PTPRG: variants seen among roughly 807,000 people sequenced by gnomAD.
The protein encoded by PTPRG is protein tyrosine phosphatase receptor type G.
A neutral mutation model predicts 165.3 loss-of-function variants in PTPRG; 102 were observed. That is an observed-to-expected ratio of 0.62 (90% CI 0.53 to 0.73). The LOEUF is 0.73. PTPRG is among the 30% of genes least tolerant of loss of function. PTPRG has a pLI of 0.00. For synonymous variants in PTPRG, 675 were observed against 669.5 expected, an observed-to-expected ratio of 1.01 and a Z score of -0.13; for missense variants, 1,866 against 1,861.4, an observed-to-expected ratio of 1.00 and a Z score of -0.05.
intron 2 of PTPRG, among the ~76,000 whole-genome samples, chr3:61,982,472 G>T (rs764713473): frequency 6.6e-6 from 1 of 152,126 alleles, no homozygotes; most frequent in Non-Finnish European, 1.5e-5. Context: ...ACATGCATAG[G>T]TCAAAGACTT....
rs980652106 is a variant in PTPRG, at chr3:62,222,625, T to G, written c.2288+3642T>G. Among the ~76,000 whole-genome samples the G allele has an allele frequency of 2.0e-5, 3 of 152,292 alleles. No homozygotes were observed. Among genetic ancestry groups the G allele is most frequent in the South Asian group, 2.1e-4 (1 of 4,824 alleles). On this transcript the variant is annotated intron_variant, in intron 13 of 29. Transcript: ENST00000474889. This position sits in a 1 kb window ranked among gnomAD's most constrained non-coding sequence, Gnocchi z 4.5. ...GATCAGTACCATTGCCATCAAAACCTTGGACTGAAGCCGAACAAGGGATGG... is the reference window on the plus strand; with the variant it reads ...GATCAGTACCATTGCCATCAAAACCGTGGACTGAAGCCGAACAAGGGATGG...
At chr3:61,607,822 G>A (rs1460835058) in intron 1 of PTPRG, among the ~76,000 whole-genome samples, 1 of 152,064 alleles carries the variant, frequency 6.6e-6, no homozygotes, top group African/African-American at 2.4e-5. Context: ...GAAAGAGTGA[G>A]GTGCAGAGCC....
chr3:62,049,543 G>A (rs995509378), intron 4 of PTPRG, among the ~76,000 whole-genome samples: 3 of 126,656 alleles, frequency 2.4e-5, no homozygotes, highest in African/African-American at 9.2e-5. Flanking sequence ...GTGGTGGATA[G>A]GATTTTCATT....
chr3:61,588,439 T>A (rs1474334365), intron 1 of PTPRG, among the ~76,000 whole-genome samples: 1 of 147,852 alleles, frequency 6.8e-6, no homozygotes, highest in Non-Finnish European at 1.5e-5. Flanking sequence ...CGGAGTGATG[T>A]TGGCTCACTG....
rs1344923990 is a variant in PTPRG at position 62,243,869 on chromosome 3, A to G, written c.2438A>G (p.Asn813Ser). The change falls in exon 15 of 30, where the codon AAT (asparagine) becomes AGT (serine). Residue 813 changes from asparagine (N) to serine (S), a missense_variant. Physicochemically the swap from Asn to Ser is conservative, Grantham distance 46. Transcript: ENST00000474889. Reference protein sequence around the residue: ...EDSSSPRVVPNESIPIIPIPD... With the variant: ...EDSSSPRVVPSESIPIIPIPD... ...AGCAGTTCACCTCGAGTGGTCCCTA[A>G]TGAAAGTATCCCTATTATTCCTATT... The G allele has an allele frequency of 5.7e-6, 9 of 1,579,870 alleles. No individual in the cohort carries two copies. The highest frequency in any genetic ancestry group is 1.3e-5 in the African/African-American group (1 of 74,240).
intron 2 of PTPRG, among the ~76,000 whole-genome samples, chr3:61,836,070 A>ATAT (rs1218003549): frequency 7.0e-6 from 1 of 141,862 alleles, no homozygotes; most frequent in South Asian, 2.5e-4. Context: ...ACCAAAAAAA[A>ATAT]AAATATATAT....
intron 2 of PTPRG, among the ~76,000 whole-genome samples, chr3:61,947,481 T>C (rs2039788505): frequency 2.6e-5 from 4 of 152,272 alleles, no homozygotes; most frequent in East Asian, 1.9e-4. Context: ...GTCAGTGATA[T>C]ATAGGAAATC....
At chr3:61,958,129 TTTTTTCC>T (rs1308471668) in intron 2 of PTPRG, among the ~76,000 whole-genome samples, 9 of 152,124 alleles carry the variant, frequency 5.9e-5, no homozygotes. Context: ...CTTTTTTTTC[TTTTTTCC>T]TTTTTTTTGA....
At position 61,855,330 on chromosome 3, in the gene PTPRG, C is replaced by A. The variant is rs981173213; in HGVS notation, c.190+106348C>A. Among the ~76,000 whole-genome samples the A allele has an allele frequency of 5.3e-5, 8 of 152,170 alleles. 1 individual carries two copies. In the South Asian group the frequency reaches 6.2e-4, roughly 12 times the overall value. ...TCAGAACCATGGGTTTTGTAGTCAT[C>A]TCATTGCAGATTGTACCTTCAGTGT... On this transcript the variant is annotated intron_variant, in intron 2 of 29. Coordinates refer to ENST00000474889, the MANE Select transcript of PTPRG (RefSeq NM_002841.4).
chr3:61,977,947 C>T (rs569900739), intron 2 of PTPRG, among the ~76,000 whole-genome samples: 1 of 152,128 alleles, frequency 6.6e-6, no homozygotes, highest in Non-Finnish European at 1.5e-5. Context: ...ACTTTTTCCC[C>T]CAATGAATTC....
intron 5 of PTPRG, among the ~76,000 whole-genome samples, chr3:62,104,653 T>G (rs1456711137): frequency 1.3e-5 from 2 of 152,208 alleles, no homozygotes; most frequent in African/African-American, 4.8e-5. Flanking sequence ...AGGACCTTTT[T>G]AAATAGTGGA....
chr3:61,686,583 A>T (rs1197398396), intron 1 of PTPRG, among the ~76,000 whole-genome samples: 1 of 152,196 alleles, frequency 6.6e-6, no homozygotes, highest in Non-Finnish European at 1.5e-5. Context: ...GTGCAAAATG[A>T]CTCATGTCAA....
intron 3 of PTPRG, among the ~76,000 whole-genome samples, chr3:61,991,427 A>G (rs555142340): frequency 6.6e-6 from 1 of 152,282 alleles, no homozygotes; most frequent in Non-Finnish European, 1.5e-5. Flanking sequence ...ACTGGTCTCG[A>G]ACTCCTGACC....
chr3:62,081,312 A>G (rs1433219991), intron 5 of PTPRG, among the ~76,000 whole-genome samples: 1 of 152,126 alleles, frequency 6.6e-6, no homozygotes, highest in African/African-American at 2.4e-5. Flanking sequence ...AATTTTACAT[A>G]GATAGCAGCT....
intron 2 of PTPRG, chr3:61,753,580 T>G (rs902257395): frequency 7.0e-6 from 3 of 425,866 alleles, no homozygotes; most frequent in Non-Finnish European, 1.4e-5. Context: ...AGTAGAAATT[T>G]GAGGGTTTTT....
chr3:61,969,573 C>T (rs112944705), intron 2 of PTPRG, among the ~76,000 whole-genome samples: 62 of 152,096 alleles, frequency 4.1e-4, no homozygotes, highest in Middle Eastern at 6.8e-3. Flanking sequence ...GATGGTGATC[C>T]AGGAGTAAAG....
At position 62,273,984 on chromosome 3, in the gene PTPRG, A is replaced by G. The variant is rs1203502181; in HGVS notation, c.3465+140A>G. 1 of 821,550 alleles carries G rather than the reference A, an allele frequency of 1.2e-6. No homozygotes were observed. Among genetic ancestry groups the G allele is most frequent in the African/African-American group, 1.7e-5 (1 of 57,650 alleles). 50.9% of individuals were successfully genotyped at this position (821,550 alleles called of 1,614,324 possible). ...GTACTCCTTGTACTCCTTAAATGTG[A>G]TGAAAAAGAAAATACGGTTTTGACC... On this transcript the variant is annotated intron_variant, in intron 23 of 29. Transcript: ENST00000474889. This position sits in a 1 kb window ranked among gnomAD's most constrained non-coding sequence, Gnocchi z 4.1.
intron 1 of PTPRG, among the ~76,000 whole-genome samples, chr3:61,729,622 T>G (rs751827131): frequency 3.4e-4 from 52 of 152,220 alleles, no homozygotes; most frequent in Non-Finnish European, 6.5e-4. Flanking sequence ...AGCTTTACTT[T>G]TACACATTCT....
chr3:61,876,197 T>A (rs1414311041), intron 2 of PTPRG, among the ~76,000 whole-genome samples: 1 of 152,140 alleles, frequency 6.6e-6, no homozygotes, highest in South Asian at 2.1e-4. Flanking sequence ...CACCTTCAGA[T>A]TGAGGGATAT....
Sources: allele counts gnomAD v4.1 joint callset (sites outside exome capture counted in the v4.1 genomes callset), GRCh38; gene constraint gnomAD v4.1.1; non-coding constraint Gnocchi (gnomAD v3.1); transcripts MANE v1.5; gene names NCBI Gene and HGNC (gene_info 2026-07-23, HGNC 2026-07-21).